SLIT1: variants seen among roughly 807,000 people sequenced by gnomAD.
SLIT1 encodes the protein slit homolog 1 protein.
Under a neutral mutation model 186.1 loss-of-function variants are expected in SLIT1, and 66 were observed. The observed-to-expected ratio is 0.35, with a 90% CI of 0.29 to 0.44. The LOEUF (loss-of-function observed/expected upper bound fraction) is 0.44. SLIT1 is among the 20% of genes least tolerant of loss of function. The probability of loss-of-function intolerance (pLI) is 1.00; values close to 1 mark genes in which losing one functional copy is unlikely to be tolerated. For missense variants in SLIT1, 1,638 were observed against 2,037.4 expected, an observed-to-expected ratio of 0.80 and a Z score of 3.77; for synonymous variants, 761 against 833.8, an observed-to-expected ratio of 0.91 and a Z score of 1.50.
At chr10:97,029,260 T>C (rs1310335876) in intron 25 of SLIT1, among the ~76,000 whole-genome samples, 5 of 152,228 alleles carry the variant, frequency 3.3e-5, no homozygotes. Flanking sequence ...ATATTAAATA[T>C]ACACTCTGGT....
In SLIT1 at chr10:97,169,753, G is replaced by A. The variant is rs1002530848; in HGVS notation, c.198-4863C>T. On this transcript the variant is annotated intron_variant, in intron 1 of 36. Coordinates refer to ENST00000266058, the MANE Select transcript of SLIT1 (RefSeq NM_003061.3). The stretch of plus-strand genomic sequence containing the variant: ...TGGGCACCAACTGTGTGCAGGCTCC[G>A]GGCCTGACCCTAAGCATGCTTCATC... Among the ~76,000 whole-genome samples the A allele has an allele frequency of 3.3e-5, 5 of 152,190 alleles. 1 individual carries two copies. The highest frequency in any genetic ancestry group is 7.2e-5 in the African/African-American group (3 of 41,444).
chr10:97,088,885 T>A (rs1849197824), intron 4 of SLIT1, among the ~76,000 whole-genome samples: 1 of 151,556 alleles, frequency 6.6e-6, no homozygotes, highest in African/African-American at 2.4e-5. Context: ...CCTCCCCTCA[T>A]CCTCATGAGC....
At chr10:97,142,093 A>G (rs1849772233) in intron 4 of SLIT1, among the ~76,000 whole-genome samples, 1 of 152,086 alleles carries the variant, frequency 6.6e-6, no homozygotes, top group Non-Finnish European at 1.5e-5. Flanking sequence ...ATGAGACACC[A>G]TGCCTGGCCT....
intron 4 of SLIT1, among the ~76,000 whole-genome samples, chr10:97,136,560 C>T (rs902936967): frequency 6.6e-6 from 1 of 152,122 alleles, no homozygotes; most frequent in African/African-American, 2.4e-5. Flanking sequence ...AGGCTCCTGC[C>T]CCCACAACAA....
At chr10:97,137,837 G>A (rs998873393) in intron 4 of SLIT1, among the ~76,000 whole-genome samples, 5 of 152,186 alleles carry the variant, frequency 3.3e-5, no homozygotes, top group African/African-American at 1.2e-4. Flanking sequence ...CCACATGTTG[G>A]GCCCCATTAA....
At chr10:97,091,474 A>G (rs891291653) in intron 4 of SLIT1, among the ~76,000 whole-genome samples, 3 of 152,224 alleles carry the variant, frequency 2.0e-5, no homozygotes, top group Non-Finnish European at 4.4e-5. Flanking sequence ...AACCATGTCC[A>G]ACATTAACCA....
At chr10:97,067,016 G>T (rs1848953957) in intron 4 of SLIT1, among the ~76,000 whole-genome samples, 1 of 152,338 alleles carries the variant, frequency 6.6e-6, no homozygotes, top group South Asian at 2.1e-4. Context: ...GACTCAGGAA[G>T]GACAGAATTG....
intron 4 of SLIT1, among the ~76,000 whole-genome samples, chr10:97,135,486 C>T (rs534057014): frequency 1.3e-5 from 2 of 152,242 alleles, no homozygotes; most frequent in Admixed American, 6.5e-5. Context: ...CAGAAATCCA[C>T]AAAAACCTGG....
chr10:97,001,528 T>C (rs1848309564), intron 36 of SLIT1, among the ~76,000 whole-genome samples, 178 bp from the exon 37 acceptor site: 1 of 152,066 alleles, frequency 6.6e-6, no homozygotes, highest in Admixed American at 6.5e-5. Context: ...TGCACAAGCT[T>C]CCTCCCAGGG....
At chr10:97,087,833 T>G (rs1849182764) in intron 4 of SLIT1, among the ~76,000 whole-genome samples, 1 of 152,166 alleles carries the variant, frequency 6.6e-6, no homozygotes, top group Admixed American at 6.5e-5. Context: ...TTTCCCATTT[T>G]CATCTTTCTT....
chr10:97,112,663 T>C (rs1380284612), intron 4 of SLIT1, among the ~76,000 whole-genome samples: 3 of 152,212 alleles, frequency 2.0e-5, no homozygotes, highest in Admixed American at 2.0e-4. Flanking sequence ...CAAAACTCTT[T>C]GGTTCCAAAG....
intron 1 of SLIT1, 44 bp from the exon 2 acceptor site, chr10:97,164,934 A>C (rs776226068): frequency 1.3e-6 from 2 of 1,489,442 alleles, no homozygotes; most frequent in Admixed American, 3.3e-5. Context: ...TGAGCAGGGT[A>C]AGCCCCCAGG....
chr10:97,056,279 A>G (rs1455466825), intron 13 of SLIT1, 42 bp downstream of exon 13: 1 of 1,608,686 alleles, frequency 6.2e-7, no homozygotes. Flanking sequence ...CCCCAGGCCC[A>G]CCTGCTGGGA....
intron 23 of SLIT1, among the ~76,000 whole-genome samples, chr10:97,032,448 A>G (rs1300397088): frequency 2.0e-5 from 3 of 152,034 alleles, no homozygotes; most frequent in African/African-American, 7.3e-5. Flanking sequence ...AGACGCCTAT[A>G]ATCCCAGCTA....
At position 97,047,709 on chromosome 10, in the gene SLIT1, G is replaced by A. The variant is rs1407542395; in HGVS notation, c.1615C>T (p.Pro539Ser). 2 of 1,613,932 alleles carry A rather than the reference G, an allele frequency of 1.2e-6. No individual in the cohort carries two copies. Among genetic ancestry groups the A allele is most frequent in the South Asian group, 2.2e-5 (2 of 91,088 alleles). The change falls in exon 16 of 37, where the codon CCC becomes TCC. Residue 539 changes from proline to serine, a missense_variant. Transcript: ENST00000266058. ...CCTCACAGTTCTGCCGTGGACTGGG[G>A]GATGCGCTCAGGGATCTTGGTGAGC... The part of the protein sequence containing the change: ...LKLTKIPERI[P>S]QSTAELRLNN...
intron 25 of SLIT1, among the ~76,000 whole-genome samples, chr10:97,026,442 C>T (rs566991656): frequency 1.3e-5 from 2 of 150,764 alleles, no homozygotes; most frequent in East Asian, 1.9e-4. Flanking sequence ...CCAGCCTGGG[C>T]GATAAGAGCG....
chr10:97,033,817 C>G (rs116768404), intron 23 of SLIT1, among the ~76,000 whole-genome samples: 16 of 150,070 alleles, frequency 1.1e-4, no homozygotes, highest in Non-Finnish European at 1.8e-4. Context: ...GGGGAGGAGA[C>G]AGCAATAAGG....
chr10:97,145,909 C>T (rs965093830), intron 4 of SLIT1, among the ~76,000 whole-genome samples: 5 of 152,200 alleles, frequency 3.3e-5, no homozygotes, highest in Non-Finnish European at 5.9e-5. Context: ...CAGGCCCAAA[C>T]GCACAAGACA....
At chr10:97,041,285 T>C (rs1313356745) in intron 20 of SLIT1, among the ~76,000 whole-genome samples, 2 of 152,262 alleles carry the variant, frequency 1.3e-5, no homozygotes, top group East Asian at 3.9e-4. Context: ...CTTACATCAA[T>C]TGTGGAGCCT....
Sources: allele counts gnomAD v4.1 joint callset (sites outside exome capture counted in the v4.1 genomes callset), GRCh38; gene constraint gnomAD v4.1.1; transcripts MANE v1.5; gene names NCBI Gene and HGNC (gene_info 2026-07-23, HGNC 2026-07-21).